Variants in ITGAE observed in about 807,000 individuals in gnomAD.
ITGAE encodes integrin subunit alpha E.
ITGAE carries 99 observed loss-of-function variants against 136.5 expected under a neutral mutation model. That is an observed-to-expected ratio of 0.73 (90% CI 0.62 to 0.86). The LOEUF (loss-of-function observed/expected upper bound fraction) is 0.86, where lower values mean the gene tolerates loss of function less well. Among genes scored for constraint, ITGAE ranks in the 40% least tolerant of loss-of-function variants. The pLI, the probability that ITGAE is intolerant of heterozygous loss-of-function variation, is 0.00. For missense variants in ITGAE, 1,447 were observed against 1,515.3 expected (o/e 0.95, Z 0.75); for synonymous variants, 613 against 591.8 (o/e 1.04, Z -0.52).
intron 1 of ITGAE, among the ~76,000 whole-genome samples, chr17:3,796,931 G>A (rs1236504909): frequency 1.3e-5 from 2 of 152,034 alleles, no homozygotes. Context: ...ACCCCGCCCA[G>A]AACACCCAGC....
chr17:3,731,730 A>G (rs573765447), intron 22 of ITGAE, among the ~76,000 whole-genome samples: 1 of 152,238 alleles, frequency 6.6e-6, no homozygotes, highest in South Asian at 2.1e-4. Flanking sequence ...AAGCCACTTC[A>G]GAGATTTCCC....
At chr17:3,736,369 G>A (rs745695241) in intron 20 of ITGAE, among the ~76,000 whole-genome samples, 1 of 152,146 alleles carries the variant, frequency 6.6e-6, no homozygotes, top group African/African-American at 2.4e-5. Context: ...GTAGTCCAAA[G>A]AATTGAGAGA....
intron 2 of ITGAE, 57 bp from the exon 3 acceptor site, chr17:3,764,017 T>G: frequency 7.9e-7 from 1 of 1,268,732 alleles, no homozygotes; most frequent in Non-Finnish European, 1.1e-6. Flanking sequence ...GTCTTCTCCC[T>G]GCCTGCCCAG....
intron 22 of ITGAE, among the ~76,000 whole-genome samples, chr17:3,731,398 A>G (rs1390629853): frequency 3.4e-5 from 5 of 147,096 alleles, no homozygotes; most frequent in Non-Finnish European, 5.9e-5. Context: ...ATGGAGTGCA[A>G]TGGTGTGATC....
intron 1 of ITGAE, among the ~76,000 whole-genome samples, 178 bp from the exon 2 acceptor site, chr17:3,777,838 T>G (rs2052579973): frequency 6.6e-6 from 1 of 151,926 alleles, no homozygotes; most frequent in African/African-American, 2.4e-5. Context: ...GAGCCTCTGA[T>G]CCTCCTACTA....
chr17:3,777,044 T>C (rs1419515070), intron 2 of ITGAE, among the ~76,000 whole-genome samples: 1 of 150,024 alleles, frequency 6.7e-6, no homozygotes, highest in Non-Finnish European at 1.5e-5. Flanking sequence ...CACTGCAAGC[T>C]CCGCCTCCCG....
intron 1 of ITGAE, among the ~76,000 whole-genome samples, chr17:3,782,798 G>C (rs1001470513): frequency 6.6e-6 from 1 of 151,826 alleles, no homozygotes; most frequent in African/African-American, 2.4e-5. Flanking sequence ...TCCTTTTTTT[G>C]GTTTAGTGAC....
At chr17:3,735,047 G>A (rs2051431053) in intron 20 of ITGAE, 98 bp from the exon 21 acceptor site, 4 of 1,383,582 alleles carry the variant, frequency 2.9e-6, no homozygotes, top group South Asian at 1.3e-5. Context: ...GCGTGGTGCT[G>A]TGGTGCAATG....
At chr17:3,771,800 G>C (rs2052430362) in intron 2 of ITGAE, among the ~76,000 whole-genome samples, 1 of 152,156 alleles carries the variant, frequency 6.6e-6, no homozygotes, top group African/African-American at 2.4e-5. Flanking sequence ...GCCTCCCAAA[G>C]TGCTGGGATG....
chr17:3,772,921 A>C (rs1471346784), intron 2 of ITGAE, among the ~76,000 whole-genome samples: 1 of 152,134 alleles, frequency 6.6e-6, no homozygotes, highest in Non-Finnish European at 1.5e-5. Context: ...CGGGGCAAGC[A>C]GTCCTTCGGC....
chr17:3,756,221 G>T lies in ITGAE; in HGVS notation c.1172-324C>A, dbSNP rs1269846304. ...CGCAAGGAGGCCTGGGGATATTGTT[G>T]GCCTTTTTTTTTTTTTTTTTTTTTT... On this transcript the variant is annotated intron_variant, in intron 10 of 30. Coordinates refer to ENST00000263087, the MANE Select transcript of ITGAE (RefSeq NM_002208.5). Among the ~76,000 whole-genome samples the T allele has an allele frequency of 2.2e-3, 19 of 8,470 alleles. 1 individual carries two copies. The African/African-American group carries it at 0.053, about 24-fold the overall frequency. 5.6% of individuals were successfully genotyped at this position (8,470 alleles called of 152,430 possible). A position where few individuals can be genotyped will look rare whatever the true frequency, so the allele number is the denominator to read the frequency against.
At chr17:3,782,004 G>A (rs145097364) in intron 1 of ITGAE, among the ~76,000 whole-genome samples, 3 of 151,906 alleles carry the variant, frequency 2.0e-5, no homozygotes, top group African/African-American at 2.4e-5. Flanking sequence ...GGCCGGGTGC[G>A]GTGGCTCATG....
chr17:3,726,102 A>G, intron 26 of ITGAE: 1 of 1,614,226 alleles, frequency 6.2e-7, no homozygotes, highest in Non-Finnish European at 8.5e-7. Context: ...TGACATCTAC[A>G]GGCTCATGAA....
intron 19 of ITGAE, among the ~76,000 whole-genome samples, chr17:3,740,577 T>C (rs183500253): frequency 4.6e-5 from 7 of 152,350 alleles, no homozygotes; most frequent in African/African-American, 1.7e-4. Flanking sequence ...GGTTTCGCCA[T>C]GTTGACCAGG....
intron 24 of ITGAE, among the ~76,000 whole-genome samples, chr17:3,729,041 A>T (rs1467166238): frequency 5.6e-5 from 3 of 53,996 alleles, no homozygotes; most frequent in African/African-American, 4.1e-4. Context: ...GTCTCAGTTT[A>T]AAAAAAAAAA....
At chr17:3,780,521 C>A (rs1380901776) in intron 1 of ITGAE, among the ~76,000 whole-genome samples, 2 of 150,768 alleles carry the variant, frequency 1.3e-5, no homozygotes, top group Non-Finnish European at 3.0e-5. Flanking sequence ...TAGTTTCGAA[C>A]TCCTGACCTC....
intron 17 of ITGAE, 129 bp from the exon 18 acceptor site, chr17:3,746,056 G>A: frequency 1.3e-6 from 1 of 788,600 alleles, no homozygotes; most frequent in Non-Finnish European, 2.0e-6. Context: ...CTTCCCTGCG[G>A]CTGGACTCCT....
intron 1 of ITGAE, among the ~76,000 whole-genome samples, chr17:3,792,885 T>C (rs1188002258): frequency 1.3e-5 from 2 of 152,060 alleles, no homozygotes; most frequent in African/African-American, 4.8e-5. Context: ...GAAAAAACTG[T>C]CCCTAAGGGT....
intron 26 of ITGAE, 124 bp from the exon 27 acceptor site, chr17:3,723,868 G>A (rs1218314362): frequency 4.7e-5 from 71 of 1,518,592 alleles, no homozygotes; most frequent in Non-Finnish European, 6.3e-5. Flanking sequence ...CCCGCGGCAG[G>A]CGGGCGCGTC....
Sources: gnomAD v4.1 joint callset for allele counts (sites outside exome capture counted in the v4.1 genomes callset) on GRCh38, gnomAD v4.1.1 for gene constraint, MANE v1.5 for transcripts, NCBI Gene and HGNC (gene_info 2026-07-23, HGNC 2026-07-21) for gene names.